The following RAPGEF4 variants were observed in gnomAD, a reference collection of about 807,000 sequenced individuals.
RAPGEF4 encodes Rap guanine nucleotide exchange factor 4.
A neutral mutation model predicts 147.9 loss-of-function variants in RAPGEF4; 66 were observed. That is an observed-to-expected ratio of 0.45 (90% CI 0.37 to 0.55). The LOEUF is 0.55. Among genes scored for constraint, RAPGEF4 ranks in the 20% least tolerant of loss-of-function variants. The pLI, the probability that RAPGEF4 is intolerant of heterozygous loss-of-function variation, is 0.00. For missense variants in RAPGEF4, 1,071 were observed against 1,257.3 expected (o/e 0.85, Z 2.24); for synonymous variants, 419 against 442.7 (o/e 0.95, Z 0.67).
At chr2:172,884,428 A>T (rs1353995682) in intron 4 of RAPGEF4, among the ~76,000 whole-genome samples, 1 of 152,200 alleles carries the variant, frequency 6.6e-6, no homozygotes, top group African/African-American at 2.4e-5. Flanking sequence ...CATTTGCAAC[A>T]TCAGTACTGA....
chr2:172,789,433 A>T (rs1374224540), intron 1 of RAPGEF4, among the ~76,000 whole-genome samples: 1 of 152,184 alleles, frequency 6.6e-6, no homozygotes, highest in Non-Finnish European at 1.5e-5. Context: ...TTGTTTACAA[A>T]TGATTCTTTT....
At chr2:172,914,738 A>ATCATTTT (rs1309282332) in intron 4 of RAPGEF4, among the ~76,000 whole-genome samples, 1 of 152,236 alleles carries the variant, frequency 6.6e-6, no homozygotes, top group Non-Finnish European at 1.5e-5. Context: ...ACACTGCTAT[A>ATCATTTT]AGCAATATAT....
chr2:172,752,867 C>A (rs930313514), intron 1 of RAPGEF4, among the ~76,000 whole-genome samples: 1 of 152,200 alleles, frequency 6.6e-6, no homozygotes, highest in Non-Finnish European at 1.5e-5. Context: ...GTGAATGAAC[C>A]TTATCTGTTC....
At chr2:173,006,857 T>C (rs1002419726) in intron 17 of RAPGEF4, among the ~76,000 whole-genome samples, 1 of 152,362 alleles carries the variant, frequency 6.6e-6, no homozygotes, top group South Asian at 2.1e-4. Flanking sequence ...TTTGTCATCA[T>C]AGTCCCCATC....
chr2:172,906,531 C>T (rs1238731971), intron 4 of RAPGEF4, among the ~76,000 whole-genome samples: 1 of 152,208 alleles, frequency 6.6e-6, no homozygotes, highest in Non-Finnish European at 1.5e-5. Flanking sequence ...GCTTTCGCTA[C>T]AGCCTGATGA....
At chr2:172,797,096 A>C (rs1316457748) in intron 2 of RAPGEF4, among the ~76,000 whole-genome samples, 1 of 152,232 alleles carries the variant, frequency 6.6e-6, no homozygotes, top group Non-Finnish European at 1.5e-5. Context: ...CAATGATAAT[A>C]TAGTAGTTAA....
chr2:173,005,520 G>GTTTT (rs573596077), intron 17 of RAPGEF4, among the ~76,000 whole-genome samples: 1,809 of 86,600 alleles, frequency 0.021, 193 homozygotes, highest in African/African-American at 0.067. Flanking sequence ...GTTGTTTTGT[G>GTTTT]TTTTTTTTTT....
At chr2:172,809,372 T>A (rs1475717026) in intron 3 of RAPGEF4, among the ~76,000 whole-genome samples, 1 of 152,056 alleles carries the variant, frequency 6.6e-6, no homozygotes, top group Admixed American at 6.5e-5. Flanking sequence ...GGAAGGGCTG[T>A]CAAGACAGGA....
chr2:172,990,785 T>C (rs1692756639), intron 14 of RAPGEF4, 25 bp from the exon 15 acceptor site: 2 of 1,554,192 alleles, frequency 1.3e-6, no homozygotes, highest in South Asian at 2.2e-5. Flanking sequence ...GCAGCATCTG[T>C]ATGTGGTGTA....
chr2:173,005,657 G>T (rs577784632), intron 17 of RAPGEF4, among the ~76,000 whole-genome samples: 1 of 151,122 alleles, frequency 6.6e-6, no homozygotes, highest in African/African-American at 2.4e-5. Flanking sequence ...CGAGTAGCTG[G>T]AACTACAGGC....
rs753320771 is a variant in RAPGEF4 at position 172,889,731 on chromosome 2, G to A, written c.445-28071G>A. On this transcript the variant is annotated intron_variant, in intron 4 of 30. Coordinates refer to ENST00000397081, the MANE Select transcript of RAPGEF4 (RefSeq NM_007023.4). ...ACCCACTGCATCACTAATCTGATTT[G>A]TTACTTTCAAATGTCAATCAGCAAG... 1.1e-5 allele frequency: 7 copies of A among 619,868 alleles called. 1 individual carries two copies. The highest frequency in any genetic ancestry group is 1.4e-5 in the Non-Finnish European group (7 of 496,348). The allele number at this position is 619,868 out of a possible 1,614,324, so 38.4% of individuals were successfully genotyped here.
intron 1 of RAPGEF4, among the ~76,000 whole-genome samples, chr2:172,746,545 AT>A (rs1241002880): frequency 6.6e-6 from 1 of 152,184 alleles, no homozygotes; most frequent in African/African-American, 2.4e-5. Context: ...AAACACTTTT[AT>A]TGAATAAAAT....
chr2:172,920,604 A>G (rs1404308447), intron 5 of RAPGEF4, among the ~76,000 whole-genome samples: 4 of 152,162 alleles, frequency 2.6e-5, no homozygotes, highest in South Asian at 2.1e-4. Context: ...TTCCAAGACT[A>G]TTAATGTCTT....
intron 25 of RAPGEF4, among the ~76,000 whole-genome samples, chr2:173,027,840 CT>C (rs558023875): frequency 8.9e-4 from 136 of 152,290 alleles, no homozygotes; most frequent in African/African-American, 2.7e-3. Context: ...AGAGTTCTCC[CT>C]GACATGAATT....
intron 6 of RAPGEF4, 138 bp from the exon 7 acceptor site, chr2:172,960,622 C>A: frequency 1.7e-6 from 1 of 601,348 alleles, no homozygotes; most frequent in Non-Finnish European, 2.7e-6. Context: ...GTTCTTTAGG[C>A]AGAATTTATC....
chr2:172,926,681 C>T (rs1261785906), intron 6 of RAPGEF4, among the ~76,000 whole-genome samples: 1 of 152,120 alleles, frequency 6.6e-6, no homozygotes, highest in Non-Finnish European at 1.5e-5. Flanking sequence ...AAGTGACTCT[C>T]CTGCCTTAGC....
chr2:172,831,266 C>CTTTTTTTTTTTTTTTTTTTTTTTT lies in RAPGEF4; in HGVS notation c.444+16860_444+16861insTTTTTTTTTTTTTTTTTTTTTTTT, dbSNP rs71018521. Among the ~76,000 whole-genome samples the CTTTTTTTTTTTTTTTTTTTTTTTT allele has an allele frequency of 6.4e-3, 343 of 53,864 alleles. 114 individuals are homozygous for CTTTTTTTTTTTTTTTTTTTTTTTT. The highest frequency in any genetic ancestry group is 9.1e-3 in the Non-Finnish European group (255 of 28,086). The allele number at this position is 53,864 out of a possible 152,430, so 35.3% of individuals were successfully genotyped here. A position where few individuals can be genotyped will look rare whatever the true frequency, so the allele number is the denominator to read the frequency against. On this transcript the variant is annotated intron_variant, in intron 4 of 30. Coordinates refer to ENST00000397081, the MANE Select transcript of RAPGEF4 (RefSeq NM_007023.4). The stretch of plus-strand genomic sequence containing the variant: ...AAATGTGACTGTTTCAGATAGAAAA[C>CTTTTTTTTTTTTTTTTTTTTTTTT]TTTTTTTTTTTTTTTTTTTGAGACA...
chr2:173,024,645 A>T (rs897866574), intron 23 of RAPGEF4, among the ~76,000 whole-genome samples: 2 of 152,246 alleles, frequency 1.3e-5, no homozygotes, highest in African/African-American at 4.8e-5. Context: ...TATAGGTATC[A>T]TGACCCCAAT....
chr2:172,833,394 AT>A lies in RAPGEF4; in HGVS notation c.444+18973del, dbSNP rs142918234. Among the ~76,000 whole-genome samples the A allele has an allele frequency of 7.4e-3, 1,122 of 152,062 alleles. 8 individuals are homozygous for A. Among genetic ancestry groups the A allele is most frequent in the Non-Finnish European group, 0.011 (773 of 67,984 alleles). On this transcript the variant is annotated intron_variant, in intron 4 of 30. Transcript: ENST00000397081. Reference sequence around the variant, plus strand: ...ATACAAAACTTAAAATTTGATAAATATTTTCTAGTTACACTCTAGAAAGTCT... The same window carrying A: ...ATACAAAACTTAAAATTTGATAAATATTTCTAGTTACACTCTAGAAAGTCT...
Sources: gnomAD v4.1 joint callset for allele counts (sites outside exome capture counted in the v4.1 genomes callset) on GRCh38, gnomAD v4.1.1 for gene constraint, MANE v1.5 for transcripts, NCBI Gene and HGNC (gene_info 2026-07-23, HGNC 2026-07-21) for gene names.